GDPD4: variants seen among roughly 807,000 people sequenced by gnomAD.
GDPD4 encodes glycerophosphodiester phosphodiesterase domain containing 4.
In GDPD4, 60 loss-of-function variants were observed where a neutral mutation model predicts 67.8. That is an observed-to-expected ratio of 0.88 (90% CI 0.72 to 1.10). The LOEUF is 1.10. Among genes scored for constraint, GDPD4 ranks in the 50% least tolerant of loss-of-function variants. The pLI is 0.00. For missense variants in GDPD4, 623 were observed against 613.9 expected (o/e 1.01, Z -0.16); for synonymous variants, 212 against 210.9 (o/e 1.00, Z -0.04).
At position 77,260,328 on chromosome 11, in the gene GDPD4, AG is replaced by A. The variant is rs368880820; in HGVS notation, c.708-1787del. On this transcript the variant is annotated intron_variant, in intron 10 of 16. Transcript: ENST00000315938. ...TCTCAGAAAAAAAAATGGTCGGGGGAGGGGGGGGAATAATTTAGAACTACAA... is the reference window on the plus strand; with the variant it reads ...TCTCAGAAAAAAAAATGGTCGGGGGAGGGGGGGAATAATTTAGAACTACAA... Among the ~76,000 whole-genome samples, 5 of 142,300 alleles carry A rather than the reference AG, an allele frequency of 3.5e-5. 1 individual carries two copies. The highest frequency in any genetic ancestry group is 2.3e-4 in the South Asian group (1 of 4,304). The allele number at this position is 142,300 out of a possible 152,430, so 93.4% of individuals were successfully genotyped here.
At chr11:77,289,495 G>C (rs971426874) in intron 1 of GDPD4, among the ~76,000 whole-genome samples, 39 of 149,910 alleles carry the variant, frequency 2.6e-4, no homozygotes, top group African/African-American at 9.1e-4. Flanking sequence ...GCCGAGGCAG[G>C]GGGTGGGGGG....
At chr11:77,266,768 A>G (rs967743546) in intron 10 of GDPD4, among the ~76,000 whole-genome samples, 6 of 152,210 alleles carry the variant, frequency 3.9e-5, no homozygotes, top group Non-Finnish European at 5.9e-5. Flanking sequence ...ATTAAAATAG[A>G]AAACAGCTTA....
chr11:77,275,265 G>A (rs985801127), intron 5 of GDPD4, among the ~76,000 whole-genome samples: 3 of 152,302 alleles, frequency 2.0e-5, no homozygotes, highest in Admixed American at 1.3e-4. Flanking sequence ...CACTGGAGCT[G>A]CTCAAGCCCA....
intron 1 of GDPD4, among the ~76,000 whole-genome samples, chr11:77,297,530 C>T (rs376534384): frequency 8.0e-4 from 117 of 146,336 alleles, no homozygotes; most frequent in South Asian, 2.6e-3. Flanking sequence ...AGCGAGACTC[C>T]GTCTCAGAAA....
intron 1 of GDPD4, among the ~76,000 whole-genome samples, chr11:77,297,072 A>AC (rs1937997288): frequency 1.4e-5 from 2 of 147,830 alleles, no homozygotes; most frequent in South Asian, 4.2e-4. Context: ...AAAAAAAAAA[A>AC]ACAAAAAAAT....
At chr11:77,244,091 C>T (rs1958731068) in intron 12 of GDPD4, among the ~76,000 whole-genome samples, 1 of 152,230 alleles carries the variant, frequency 6.6e-6, no homozygotes, top group Admixed American at 6.5e-5. Context: ...TCTTGGCTCA[C>T]TGTAAGCTCC....
At position 77,245,462 on chromosome 11, in the gene GDPD4, T is replaced by C; in HGVS notation, c.905A>G (p.Asp302Gly). 1 of 1,614,158 alleles carries C rather than the reference T, an allele frequency of 6.2e-7. No individual in the cohort carries two copies. Among genetic ancestry groups the C allele is most frequent in the Non-Finnish European group, 8.5e-7 (1 of 1,179,972 alleles). Residue 302 changes from aspartate to glycine, a missense_variant, in exon 12 of 17, where the codon GAT becomes GGT. Physicochemically the swap from Asp to Gly is moderately conservative, Grantham distance 94. Transcript: ENST00000315938. ...TGACTGATTTCTTGCTCTTTCTTTA[T>C]CTGCCTCTGATAGAGGTTTCATATT... ...FYNMKPLSEA[D>G]KERARNQSIP... is the part of the protein sequence containing the mutation.
intron 13 of GDPD4, among the ~76,000 whole-genome samples, chr11:77,238,766 AAAG>A (rs1016992978): frequency 1.8e-4 from 28 of 152,166 alleles, no homozygotes; most frequent in Non-Finnish European, 4.1e-4. Context: ...CCAAACACTT[AAAG>A]AAGAACTAAT....
intron 16 of GDPD4, among the ~76,000 whole-genome samples, chr11:77,218,096 A>ATT (rs35719470): frequency 1.3e-3 from 186 of 147,566 alleles, no homozygotes; most frequent in East Asian, 3.6e-3. Flanking sequence ...ATGAGCTTCC[A>ATT]TTTTTTTTTT....
At chr11:77,258,692 T>C in intron 10 of GDPD4, 150 bp from the exon 11 acceptor site, 1 of 649,944 alleles carries the variant, frequency 1.5e-6, no homozygotes, top group Non-Finnish European at 2.7e-6. Context: ...TACATATCAG[T>C]CATTTACACT....
chr11:77,273,877 T>C lies in GDPD4; in HGVS notation c.207+2284A>G, dbSNP rs572748018. Among the ~76,000 whole-genome samples, 31 of 152,300 alleles carry C rather than the reference T, an allele frequency of 2.0e-4. No homozygotes were observed. In the South Asian group the frequency reaches 6.2e-3, roughly 31 times the overall value. ...TTCTCTGGGAGGTCTCAGAAGACGC[T>C]GGTGAGGAAAGTGTCAGCATCCTTG... On this transcript the variant is annotated intron_variant, in intron 5 of 16. Coordinates refer to ENST00000315938, the MANE Select transcript of GDPD4 (RefSeq NM_182833.3).
rs144340652 is a variant in GDPD4 at position 77,258,093 on chromosome 11, C to A, written c.864+293G>T. Among the ~76,000 whole-genome samples the A allele has an allele frequency of 9.2e-5, 14 of 152,256 alleles. No individual in the cohort carries two copies. In the East Asian group the frequency reaches 2.7e-3, roughly 29 times the overall value. ...GCCTCATCTAGGAAAATGTTATGTACATGTTAGCCATACTGTAAAAGCTTA... is the reference window on the plus strand; with the variant it reads ...GCCTCATCTAGGAAAATGTTATGTAAATGTTAGCCATACTGTAAAAGCTTA... On this transcript the variant is annotated intron_variant, in intron 11 of 16. Transcript: ENST00000315938.
chr11:77,226,428 G>T (rs557381429), intron 16 of GDPD4, among the ~76,000 whole-genome samples: 1 of 151,902 alleles, frequency 6.6e-6, no homozygotes, highest in African/African-American at 2.4e-5. Flanking sequence ...AGAGACCCGA[G>T]ATCCCACTCT....
intron 7 of GDPD4, among the ~76,000 whole-genome samples, chr11:77,270,624 G>A (rs139529411): frequency 0.034 from 5,237 of 152,220 alleles, 130 homozygotes; most frequent in Non-Finnish European, 0.05. Context: ...CTGGAGAATC[G>A]CTTGAACCCA....
chr11:77,282,064 T>C lies in GDPD4; in HGVS notation c.54-2665A>G, dbSNP rs542694324. 2.6e-5 allele frequency among the ~76,000 whole-genome samples: 4 copies of C among 152,262 alleles called. No homozygotes were observed. The South Asian group carries it at 8.3e-4, about 32-fold the overall frequency. On this transcript the variant is annotated intron_variant, in intron 3 of 16. Coordinates refer to ENST00000315938, the MANE Select transcript of GDPD4 (RefSeq NM_182833.3). The stretch of plus-strand genomic sequence containing the variant: ...TGTCGTATGTGGTTGGAAAAGTATG[T>C]AGGATTAAAATATATGATGAGAATG...
chr11:77,276,420 C>CAA (rs1565538292), intron 4 of GDPD4, among the ~76,000 whole-genome samples, 200 bp from the exon 5 acceptor site: 1 of 152,180 alleles, frequency 6.6e-6, no homozygotes, highest in African/African-American at 2.4e-5. Context: ...ACTGACTCTT[C>CAA]AAAGCCAGTT....
chr11:77,220,529 C>A (rs1300382619), intron 16 of GDPD4, among the ~76,000 whole-genome samples: 3 of 152,182 alleles, frequency 2.0e-5, no homozygotes, highest in Non-Finnish European at 4.4e-5. Flanking sequence ...ATATGTTGAA[C>A]CAGCCTTGCA....
chr11:77,243,915 GA>G, intron 12 of GDPD4, 67 bp from the exon 13 acceptor site: 1 of 1,075,600 alleles, frequency 9.3e-7, no homozygotes. Context: ...GCCCCATAGA[GA>G]ATGGAGGGAG....
At chr11:77,298,573 G>A (rs1035369090) in intron 1 of GDPD4, among the ~76,000 whole-genome samples, 1 of 152,166 alleles carries the variant, frequency 6.6e-6, no homozygotes, top group South Asian at 2.1e-4. Context: ...GATAGAAAGG[G>A]AATGGTCATG....
Sources: allele counts gnomAD v4.1 joint callset (sites outside exome capture counted in the v4.1 genomes callset), GRCh38; gene constraint gnomAD v4.1.1; transcripts MANE v1.5; gene names NCBI Gene and HGNC (gene_info 2026-07-23, HGNC 2026-07-21).